The following CSMD2 variants were observed in gnomAD, a reference collection of about 807,000 sequenced individuals.
CSMD2 encodes the protein CUB and sushi domain-containing protein 2.
In CSMD2, 130 loss-of-function variants were observed where a neutral mutation model predicts 398.5. That is an observed-to-expected ratio of 0.33 (90% confidence interval 0.28 to 0.38). The LOEUF is 0.38. Among genes scored for constraint, CSMD2 ranks in the 10% least tolerant of loss-of-function variants. The probability of loss-of-function intolerance (pLI) is 1.00; values close to 1 mark genes in which losing one functional copy is unlikely to be tolerated. For synonymous variants in CSMD2, 1,828 were observed against 1,908.5 expected, an observed-to-expected ratio of 0.96 and a Z score of 1.10; for missense variants, 3,829 against 4,764.9, an observed-to-expected ratio of 0.80 and a Z score of 5.78.
chr1:33,700,973 T>C (rs573200726), intron 22 of CSMD2, among the ~76,000 whole-genome samples: 3 of 152,338 alleles, frequency 2.0e-5, no homozygotes, highest in African/African-American at 4.8e-5. Context: ...GCAATGCCCA[T>C]ATAGCACCAG....
At chr1:33,521,164 G>A (rs1038995360) in intron 68 of CSMD2, among the ~76,000 whole-genome samples, 1 of 152,214 alleles carries the variant, frequency 6.6e-6, no homozygotes, top group Non-Finnish European at 1.5e-5. Flanking sequence ...AGGGCTGGCT[G>A]GAGGGTGTGG....
intron 2 of CSMD2, among the ~76,000 whole-genome samples, chr1:34,046,143 T>C (rs549788295): frequency 6.6e-6 from 1 of 152,286 alleles, no homozygotes; most frequent in South Asian, 2.1e-4. Context: ...AAAGCTTTGG[T>C]AGTTGGTGTG....
In CSMD2 at chr1:33,743,260, G is replaced by C. The variant is rs759022223; in HGVS notation, c.2173+20C>G. On this transcript the variant is annotated intron_variant, in intron 14 of 70. Coordinates refer to ENST00000373381, the MANE Select transcript of CSMD2 (RefSeq NM_001281956.2). ...AGACACTCAGATGGAGGGCCAGCTGGTGACAGAGGGAGGACTCACTGGTAA... is the reference window on the plus strand; with the variant it reads ...AGACACTCAGATGGAGGGCCAGCTGCTGACAGAGGGAGGACTCACTGGTAA... The C allele has an allele frequency of 1.3e-6, 2 of 1,569,228 alleles. No homozygotes were observed. Among genetic ancestry groups the C allele is most frequent in the East Asian group, 2.3e-5 (1 of 44,356 alleles).
intron 55 of CSMD2, among the ~76,000 whole-genome samples, chr1:33,551,048 G>A (rs1308318291): frequency 6.6e-6 from 1 of 152,238 alleles, no homozygotes; most frequent in Non-Finnish European, 1.5e-5. Context: ...GACACTCCGT[G>A]TGTTTGGGAA....
At chr1:34,158,719 C>G (rs1287029171) in intron 1 of CSMD2, among the ~76,000 whole-genome samples, 1 of 152,128 alleles carries the variant, frequency 6.6e-6, no homozygotes, top group Admixed American at 6.5e-5. Flanking sequence ...ACAATGGGCC[C>G]AGCACTGTAA....
chr1:33,967,286 T>C (rs1645593800), intron 3 of CSMD2, among the ~76,000 whole-genome samples: 1 of 148,972 alleles, frequency 6.7e-6, no homozygotes, highest in South Asian at 2.2e-4. Context: ...GGGTGGGGGG[T>C]AGTCTATAAA....
At chr1:33,995,360 G>C (rs2358755) in intron 3 of CSMD2, among the ~76,000 whole-genome samples, 1 of 151,962 alleles carries the variant, frequency 6.6e-6, no homozygotes, top group Non-Finnish European at 1.5e-5. Flanking sequence ...GCAGGACTAC[G>C]ACACTGTCAC....
chr1:33,674,745 T>C (rs1397390437), intron 25 of CSMD2, among the ~76,000 whole-genome samples: 1 of 152,018 alleles, frequency 6.6e-6, no homozygotes, highest in East Asian at 1.9e-4. Flanking sequence ...GAACAGAAAT[T>C]ATAACAAACT....
At position 33,905,382 on chromosome 1, in the gene CSMD2, A is replaced by G. The variant is rs184747386; in HGVS notation, c.920+12712T>C. 4.7e-3 allele frequency among the ~76,000 whole-genome samples: 712 copies of G among 152,336 alleles called. 5 individuals are homozygous for G. Among genetic ancestry groups the G allele is most frequent in the African/African-American group, 0.016 (684 of 41,572 alleles). ...GTAACCAGCTACATGGTTTCATAGG[A>G]GCCAAGAGAAGGAAATAGTTCAAGA... On this transcript the variant is annotated intron_variant, in intron 5 of 70. Transcript: ENST00000373381.
intron 12 of CSMD2, among the ~76,000 whole-genome samples, chr1:33,773,036 C>T (rs1350761575): frequency 6.6e-6 from 1 of 152,162 alleles, no homozygotes; most frequent in Non-Finnish European, 1.5e-5. Context: ...GATCCCTTAC[C>T]CCTCCCTAAA....
chr1:33,536,413 C>T (rs562602019), intron 62 of CSMD2, among the ~76,000 whole-genome samples: 212 of 152,282 alleles, frequency 1.4e-3, no homozygotes, highest in African/African-American at 4.6e-3. Context: ...TTAGTAGAGA[C>T]GGGGTTTCAC....
At chr1:34,154,530 G>T (rs965768871) in intron 1 of CSMD2, among the ~76,000 whole-genome samples, 1 of 152,128 alleles carries the variant, frequency 6.6e-6, no homozygotes, top group Non-Finnish European at 1.5e-5. Flanking sequence ...AAACGTGATG[G>T]ATGTATAACT....
At chr1:34,033,880 C>T (rs1033794014) in intron 2 of CSMD2, among the ~76,000 whole-genome samples, 5 of 152,120 alleles carry the variant, frequency 3.3e-5, no homozygotes, top group Non-Finnish European at 5.9e-5. Flanking sequence ...CTAGATGAAG[C>T]CCTTGCCCTT....
chr1:33,619,730 A>G (rs1641642398), intron 37 of CSMD2, among the ~76,000 whole-genome samples: 1 of 152,192 alleles, frequency 6.6e-6, no homozygotes, highest in South Asian at 2.1e-4. Context: ...ATGTGCTTTT[A>G]AGATATGAGT....
At chr1:33,552,200 T>C (rs1279582102) in intron 55 of CSMD2, among the ~76,000 whole-genome samples, 1 of 152,192 alleles carries the variant, frequency 6.6e-6, no homozygotes, top group Non-Finnish European at 1.5e-5. Context: ...TAAACTACAA[T>C]GAGATAGCAC....
At chr1:33,921,116 G>A (rs1643923233) in intron 4 of CSMD2, among the ~76,000 whole-genome samples, 1 of 152,144 alleles carries the variant, frequency 6.6e-6, no homozygotes, top group South Asian at 2.1e-4. Flanking sequence ...TGAATGCCGA[G>A]TAGAGGAGCT....
rs139866734 is a variant in CSMD2 at position 33,575,788 on chromosome 1, T to C, written c.7576+1508A>G. On this transcript the variant is annotated intron_variant, in intron 49 of 70. Transcript: ENST00000373381. ...CAGCCAGTTCACTGTGACCTTTGCT[T>C]AGGGGTAGAGTAGATTATTAATAGC... is the stretch of plus-strand genomic sequence containing the variant. Among the ~76,000 whole-genome samples, 557 of 152,260 alleles carry C rather than the reference T, an allele frequency of 3.7e-3. 3 individuals are homozygous for C. The highest frequency in any genetic ancestry group is 0.012 in the African/African-American group (515 of 41,528).
intron 21 of CSMD2, among the ~76,000 whole-genome samples, chr1:33,710,344 A>G (rs1388556137): frequency 1.3e-5 from 2 of 152,176 alleles, no homozygotes; most frequent in Admixed American, 1.3e-4. Flanking sequence ...GTCATGCTGG[A>G]TGAATCTATG....
intron 3 of CSMD2, among the ~76,000 whole-genome samples, chr1:33,981,579 A>G (rs1003944910): frequency 5.9e-5 from 9 of 152,108 alleles, no homozygotes; most frequent in African/African-American, 1.9e-4. Context: ...TTTCCGTCCT[A>G]CTCTATATCT....
Sources: allele counts gnomAD v4.1 joint callset (sites outside exome capture counted in the v4.1 genomes callset), GRCh38; gene constraint gnomAD v4.1.1; transcripts MANE v1.5; gene names NCBI Gene and HGNC (gene_info 2026-07-23, HGNC 2026-07-21).